CIT: variants seen among roughly 807,000 people sequenced by gnomAD.
CIT encodes the protein citron rho-interacting serine/threonine kinase.
CIT carries 79 observed loss-of-function variants against 272.7 expected under a neutral mutation model. That is an observed-to-expected ratio of 0.29 (90% CI 0.24 to 0.35). The LOEUF (loss-of-function observed/expected upper bound fraction) is 0.35. CIT is among the 10% of genes least tolerant of loss of function. The probability of loss-of-function intolerance (pLI) is 1.00; values close to 1 mark genes in which losing one functional copy is unlikely to be tolerated. For missense variants in CIT, 1,909 were observed against 2,618.3 expected, an observed-to-expected ratio of 0.73 and a Z score of 5.91; for synonymous variants, 948 against 995.6, an observed-to-expected ratio of 0.95 and a Z score of 0.90.
Position 119,688,077 on chromosome 12 carries a change from G to T in CIT, c.*155C>A. On this transcript the variant is annotated 3_prime_UTR_variant, in exon 48 of 48. Coordinates refer to ENST00000392521, the MANE Select transcript of CIT (RefSeq NM_001206999.2). ...GAGCCTCAGCCACCTGCCCCTCCTG[G>T]AGACAGGGGTGTCCGTGCCGAGGTG... The T allele has an allele frequency of 1.3e-6, 1 of 765,388 alleles. No individual in the cohort carries two copies. The highest frequency in any genetic ancestry group is 1.6e-5 in the South Asian group (1 of 60,776). The allele number at this position is 765,388 out of a possible 1,614,324, so 47.4% of individuals were successfully genotyped here. A position where few individuals can be genotyped will look rare whatever the true frequency, so the allele number is the denominator to read the frequency against.
rs759451506 is a variant in CIT, at chr12:119,772,724, C to G, written c.2082+46G>C. ...GGCAGTTTCTTTCCTTGGGCACAGC[C>G]AAAGGCCGAGGCCGCTGGGGCCTGG... is the stretch of plus-strand genomic sequence containing the variant. On this transcript the variant is annotated intron_variant, in intron 17 of 47. Transcript: ENST00000392521. 2.9e-5 allele frequency: 45 copies of G among 1,551,746 alleles called. No homozygotes were observed. The South Asian group carries it at 5.4e-4, about 19-fold the overall frequency.
chr12:119,772,072 A>C lies in CIT; in HGVS notation c.2082+698T>G, dbSNP rs548197031. Among the ~76,000 whole-genome samples the C allele has an allele frequency of 2.0e-5, 3 of 152,290 alleles. No homozygotes were observed. In the South Asian group the frequency reaches 6.2e-4, roughly 32 times the overall value. On this transcript the variant is annotated intron_variant, in intron 17 of 47. Transcript: ENST00000392521. The stretch of plus-strand genomic sequence containing the variant: ...TGAGGATGGCCCAAAAGAGACATGT[A>C]CCAGGAGGTTCACACCAAGAATGTG...
At chr12:119,776,639 CA>C in intron 14 of CIT, 32 bp downstream of exon 14, 1 of 1,584,088 alleles carries the variant, frequency 6.3e-7, no homozygotes. Flanking sequence ...CAATTTTACC[CA>C]AAAAGCACCC....
intron 5 of CIT, among the ~76,000 whole-genome samples, chr12:119,847,175 G>A (rs1365835618): frequency 2.0e-5 from 3 of 151,994 alleles, no homozygotes; most frequent in Non-Finnish European, 2.9e-5. Flanking sequence ...TAGTAGAGAC[G>A]AGGTTTCACC....
chr12:119,811,617 G>A (rs562463995), intron 9 of CIT, among the ~76,000 whole-genome samples: 21 of 152,280 alleles, frequency 1.4e-4, no homozygotes, highest in Non-Finnish European at 2.4e-4. Flanking sequence ...GCTGGCTCTC[G>A]CCATACCCAA....
chr12:119,742,506 A>C, intron 23 of CIT, 42 bp from the exon 24 acceptor site: 2 of 1,488,620 alleles, frequency 1.3e-6, no homozygotes, highest in Non-Finnish European at 1.8e-6. Flanking sequence ...CATAGGGTAG[A>C]ATACAATTCT....
rs143747192 is a variant in CIT, at chr12:119,781,288, C to G, written c.1665+1230G>C. Among the ~76,000 whole-genome samples, 457 of 152,310 alleles carry G rather than the reference C, an allele frequency of 3.0e-3. 2 individuals carry two copies. The highest frequency in any genetic ancestry group is 0.027 in the Middle Eastern group (8 of 294). On this transcript the variant is annotated intron_variant, in intron 13 of 47. Transcript: ENST00000392521. ...TATTTATAATGTTTTTATCAAGCAA[C>G]AGAATATTAACTGATCACAACTTTA...
chr12:119,803,640 T>TCACTTGGGCCAACGAAAG lies in CIT; in HGVS notation c.1112-269_1112-252dup, dbSNP rs745434281. Among the ~76,000 whole-genome samples, 10 of 152,186 alleles carry TCACTTGGGCCAACGAAAG rather than the reference T, an allele frequency of 6.6e-5. No homozygotes were observed. In the East Asian group the frequency reaches 9.7e-4, roughly 15 times the overall value. On this transcript the variant is annotated intron_variant, in intron 9 of 47. Coordinates refer to ENST00000392521, the MANE Select transcript of CIT (RefSeq NM_001206999.2). ...AAACTGAAGAGCAAACTCAAACAGG[T>TCACTTGGGCCAACGAAAG]CACTTGGGCCAACGAAAGCACTTGG...
Position 119,728,402 on chromosome 12 carries a change from C to T in CIT, c.3591+100G>A. The T allele has an allele frequency of 5.6e-6, 4 of 718,042 alleles. No individual in the cohort carries two copies. Among genetic ancestry groups the T allele is most frequent in the Non-Finnish European group, 9.7e-6 (4 of 413,030 alleles). The allele number at this position is 718,042 out of a possible 1,614,324, so 44.5% of individuals were successfully genotyped here. A position where few individuals can be genotyped will look rare whatever the true frequency, so the allele number is the denominator to read the frequency against. On this transcript the variant is annotated intron_variant, in intron 28 of 47. Coordinates refer to ENST00000392521, the MANE Select transcript of CIT (RefSeq NM_001206999.2). This position sits in a 1 kb window ranked among gnomAD's most constrained non-coding sequence, Gnocchi z 4.3. ...ATGTGGGAACTCTCTGTGCTTTCTG[C>T]TCAATTTTGCTGTGAACCTAAAGCT...
At chr12:119,689,664 C>CTATTTTTTTTTTTTTTTTTT (rs1565887334) in intron 47 of CIT, among the ~76,000 whole-genome samples, 1 of 102,062 alleles carries the variant, frequency 9.8e-6, no homozygotes, top group Non-Finnish European at 2.0e-5. Flanking sequence ...GCTTAGGAAG[C>CTATTTTTTTTTTTTTTTTTT]TCTTTTTTTT....
rs539132413 is a variant in CIT at position 119,714,567 on chromosome 12, G to A, written c.4169-233C>T. 1.3e-5 allele frequency among the ~76,000 whole-genome samples: 2 copies of A among 152,200 alleles called. 1 individual carries two copies. The highest frequency in any genetic ancestry group is 4.2e-4 in the South Asian group (2 of 4,814). On this transcript the variant is annotated intron_variant, in intron 32 of 47. Coordinates refer to ENST00000392521, the MANE Select transcript of CIT (RefSeq NM_001206999.2). The stretch of plus-strand genomic sequence containing the variant: ...TCCCCGAAGAGGATAAATGGCCAAC[G>A]AGCAAATGAAAAGATGCTCAACATT...
intron 5 of CIT, 136 bp from the exon 6 acceptor site, chr12:119,834,364 G>A: frequency 1.4e-6 from 1 of 731,520 alleles, no homozygotes; most frequent in Non-Finnish European, 2.2e-6. Flanking sequence ...AAGGCACGCT[G>A]TAAGTCATGT....
chr12:119,852,807 TTC>T (rs1970315283), intron 4 of CIT, among the ~76,000 whole-genome samples: 1 of 152,100 alleles, frequency 6.6e-6, no homozygotes. Context: ...ACATATATAT[TTC>T]TGTGTATATA....
intron 19 of CIT, among the ~76,000 whole-genome samples, chr12:119,765,981 A>AATGACC (rs1398599526): frequency 6.6e-6 from 1 of 152,194 alleles, no homozygotes; most frequent in South Asian, 2.1e-4. Flanking sequence ...AAGATTTGGA[A>AATGACC]ATGACCCAAG....
At chr12:119,815,261 G>A (rs1235731646) in intron 9 of CIT, among the ~76,000 whole-genome samples, 1 of 151,634 alleles carries the variant, frequency 6.6e-6, no homozygotes, top group Non-Finnish European at 1.5e-5. Flanking sequence ...AGCCATAAGG[G>A]GTTTTCATTT....
At chr12:119,762,374 T>C (rs1441770263) in intron 19 of CIT, among the ~76,000 whole-genome samples, 1 of 152,282 alleles carries the variant, frequency 6.6e-6, no homozygotes, top group African/African-American at 2.4e-5. Flanking sequence ...TCTAAAATTA[T>C]GAGCAAGAAC....
At chr12:119,840,846 C>T (rs1384301120) in intron 5 of CIT, among the ~76,000 whole-genome samples, 1 of 152,160 alleles carries the variant, frequency 6.6e-6, no homozygotes, top group Non-Finnish European at 1.5e-5. Context: ...TCATAAGCTG[C>T]CACATTTCAC....
chr12:119,783,800 C>G, intron 12 of CIT, 108 bp downstream of exon 12: 1 of 1,362,110 alleles, frequency 7.3e-7, no homozygotes, highest in Non-Finnish European at 1.0e-6. Context: ...TCTCTCTACT[C>G]TCTGCCATTG....
In CIT at chr12:119,717,837, TC is replaced by T. The variant is rs1329643066; in HGVS notation, c.4168+407del. Among the ~76,000 whole-genome samples, 871 of 128,396 alleles carry T rather than the reference TC, an allele frequency of 6.8e-3. 39 individuals carry two copies. The highest frequency in any genetic ancestry group is 0.026 in the African/African-American group (837 of 32,600). The allele number at this position is 128,396 out of a possible 152,430, so 84.2% of individuals were successfully genotyped here. A position where few individuals can be genotyped will look rare whatever the true frequency, so the allele number is the denominator to read the frequency against. On this transcript the variant is annotated intron_variant, in intron 32 of 47. Coordinates refer to ENST00000392521, the MANE Select transcript of CIT (RefSeq NM_001206999.2). Reference sequence around the variant, plus strand: ...TGGGGAGCCAGGAGACTGACTTCTTTCTTTTTTTTTTTTTTTTTTTTGAGAT... The same window carrying T: ...TGGGGAGCCAGGAGACTGACTTCTTTTTTTTTTTTTTTTTTTTTTTGAGAT...
Sources: gnomAD v4.1 joint callset for allele counts (sites outside exome capture counted in the v4.1 genomes callset) on GRCh38, gnomAD v4.1.1 for gene constraint, Gnocchi (gnomAD v3.1) non-coding constraint, MANE v1.5 for transcripts, NCBI Gene and HGNC (gene_info 2026-07-23, HGNC 2026-07-21) for gene names.